F12: variants seen among roughly 807,000 people sequenced by gnomAD.
F12 encodes coagulation factor XII, also known as Hageman factor.
A neutral mutation model predicts 74.8 loss-of-function variants in F12; 70 were observed. The ratio of observed to expected loss-of-function variants is 0.94; its 90% CI spans 0.77 to 1.14. The LOEUF (loss-of-function observed/expected upper bound fraction) is 1.14, where lower values mean the gene tolerates loss of function less well. Among genes scored for constraint, F12 ranks in the 50% most tolerant of loss-of-function variants. F12 has a pLI of 0.00. For synonymous variants in F12, 373 were observed against 356.4 expected, an observed-to-expected ratio of 1.05 and a Z score of -0.52; for missense variants, 811 against 835.7, an observed-to-expected ratio of 0.97 and a Z score of 0.36.
chr5:177,404,710 T>C (rs1490766136), intron 7 of F12, 46 bp from the exon 8 acceptor site: 10 of 1,603,646 alleles, frequency 6.2e-6, no homozygotes, highest in Admixed American at 1.7e-5. Context: ...TGGGCTCTCC[T>C]GCCTCCCTCT....
At position 177,404,500 on chromosome 5, in the gene F12, G is replaced by A. The variant is rs776688962; in HGVS notation, c.799C>T (p.Arg267Trp). 5 of 1,591,098 alleles carry A rather than the reference G, an allele frequency of 3.1e-6. No homozygotes were observed. Among genetic ancestry groups the A allele is most frequent in the South Asian group, 2.2e-5 (2 of 88,920 alleles). The change falls in exon 8 of 14, where the codon CGG becomes TGG. Residue 267 changes from arginine to tryptophan, a missense_variant and splice_region_variant. By Grantham distance (101) the Arg-to-Trp change is moderately radical (BLOSUM62 -3). Coordinates refer to ENST00000253496, the MANE Select transcript of F12 (RefSeq NM_000505.4). Reference protein sequence around the residue: ...NWGLGGHAFCRNPDNDIRPWC... With the variant: ...NWGLGGHAFCWNPDNDIRPWC... ...GTCACCCAGCCCCACGCGGCGCACC[G>A]GCAGAAGGCGTGGCCGCCCAGTCCC...
In F12 at chr5:177,409,534, C is replaced by T. The variant is rs1370622082; in HGVS notation, c.-7G>A. The T allele has an allele frequency of 3.1e-6, 5 of 1,613,848 alleles. No homozygotes were observed. Among genetic ancestry groups the T allele is most frequent in the Non-Finnish European group, 4.2e-6 (5 of 1,179,934 alleles). ...GGAGCAGCAGAGCCCTCATGGCATC[C>T]GTCCGTTGGTCCAGCTGCCTATCCA... is the stretch of plus-strand genomic sequence containing the variant. On this transcript the variant is annotated 5_prime_UTR_variant, in exon 1 of 14. Coordinates refer to ENST00000253496, the MANE Select transcript of F12 (RefSeq NM_000505.4).
At position 177,402,570 on chromosome 5, in the gene F12, C is replaced by T. The variant is rs1284584945; in HGVS notation, c.1660G>A (p.Gly554Ser). Residue 554 changes from glycine (G) to serine (S), a missense_variant, in exon 13 of 14, where the codon GGC (glycine) becomes AGC (serine). Transcript: ENST00000253496. The part of the protein sequence containing the change: ...PGMLCAGFLE[G>S]GTDACQGDSG... ...CTCACCTGGCACGCATCGGTGCCGC[C>T]CTCGAGGAACCCTGCGCAGAGCATG... 2 of 1,612,452 alleles carry T rather than the reference C, an allele frequency of 1.2e-6. No individual in the cohort carries two copies. Among genetic ancestry groups the T allele is most frequent in the Non-Finnish European group, 1.7e-6 (2 of 1,179,700 alleles).
chr5:177,405,673 C>G, intron 4 of F12, 62 bp downstream of exon 4: 1 of 1,517,890 alleles, frequency 6.6e-7, no homozygotes, highest in Admixed American at 1.7e-5. Context: ...TCTGGTGATA[C>G]CAGGAGAGTA....
At chr5:177,404,771 T>C (rs1292303471) in intron 7 of F12, 39 bp downstream of exon 7, 1 of 1,588,316 alleles carries the variant, frequency 6.3e-7, no homozygotes, top group South Asian at 1.1e-5. Context: ...CCGTCCCACC[T>C]GGGGGCTGGC....
rs201546796 is a variant in F12, at chr5:177,406,048, G to C, written c.129C>G (p.Thr43=). ...GGAAGGGGAAGTGGCAGGGCTCCCCGGTGACAGTGAGAACTGCAGGGACAA... is the reference window on the plus strand; with the variant it reads ...GGAAGGGGAAGTGGCAGGGCTCCCCCGTGACAGTGAGAACTGCAGGGACAA... The part of the protein sequence containing the change: ...AEEHTVVLTV[T]GEPCHFPFQY... Residue 43 remains threonine, a synonymous_variant, in exon 3 of 14, where the codon ACC becomes ACG. Coordinates refer to ENST00000253496, the MANE Select transcript of F12 (RefSeq NM_000505.4). The C allele has an allele frequency of 1.2e-6, 2 of 1,613,992 alleles. No homozygotes were observed. Among genetic ancestry groups the C allele is most frequent in the East Asian group, 2.2e-5 (1 of 44,884 alleles).
At chr5:177,402,880 A>C (rs946197451) in intron 12 of F12, 182 bp from the exon 13 acceptor site, 1 of 880,204 alleles carries the variant, frequency 1.1e-6, no homozygotes, top group Non-Finnish European at 1.8e-6. Context: ...TCCAGAGAAA[A>C]GCCAGGATTT....
At position 177,403,466 on chromosome 5, in the gene F12, G is replaced by A; in HGVS notation, c.1387+15C>T. 6.4e-7 allele frequency: 1 copy of A among 1,558,822 alleles called. No homozygotes were observed. The highest frequency in any genetic ancestry group is 8.6e-7 in the Non-Finnish European group (1 of 1,156,854). On this transcript the variant is annotated intron_variant, in intron 11 of 13. Coordinates refer to ENST00000253496, the MANE Select transcript of F12 (RefSeq NM_000505.4). ...CCAAGCTCTCTTCCCGTCCCCGCGG[G>A]GCGCCCCCACGCACCCAGGTCGTGC...
At chr5:177,404,120 A>C in intron 9 of F12, 30 bp from the exon 10 acceptor site, 1 of 1,591,592 alleles carries the variant, frequency 6.3e-7, no homozygotes. Context: ...GAGGACGGAG[A>C]GCCCGCGGCC....
At chr5:177,406,420 C>T (rs1312358250) in intron 2 of F12, among the ~76,000 whole-genome samples, 3 of 151,758 alleles carry the variant, frequency 2.0e-5, no homozygotes, top group Admixed American at 6.6e-5. Context: ...ACCCGGGAGG[C>T]GGAGCTTGCA....
chr5:177,404,043 G>A lies in F12; in HGVS notation c.1066C>T (p.Pro356Ser). The A allele has an allele frequency of 6.2e-7, 1 of 1,602,486 alleles. No homozygotes were observed. The highest frequency in any genetic ancestry group is 8.5e-7 in the Non-Finnish European group (1 of 1,179,626). Residue 356 changes from proline to serine, a missense_variant, in exon 10 of 14, where the codon CCA (proline) becomes TCA (serine). Coordinates refer to ENST00000253496, the MANE Select transcript of F12 (RefSeq NM_000505.4). ...CGGAGCCGCTGCCCGCAGCTCAGTG[G>A]GCCGTTCCTGGTCAGGGAAGGCGGC... ...EQPPSLTRNG[P>S]LSCGQRLRKS...
chr5:177,404,401 G>T lies in F12; in HGVS notation c.813C>A (p.Asn271Lys). The change falls in exon 9 of 14, where the codon AAC (asparagine) becomes AAA (lysine). Residue 271 changes from asparagine (N) to lysine (K), a missense_variant. Physicochemically the swap from Asn to Lys is moderately conservative, Grantham distance 94. Coordinates refer to ENST00000253496, the MANE Select transcript of F12 (RefSeq NM_000505.4). ...GCACGAAGCACCACGGGCGGATGTC[G>T]TTGTCCGGGTTCCTGTAGCCACACG... is the stretch of plus-strand genomic sequence containing the variant. The part of the protein sequence containing the change: ...GGHAFCRNPD[N>K]DIRPWCFVLN... The T allele has an allele frequency of 1.2e-6, 2 of 1,611,836 alleles. No homozygotes were observed. The highest frequency in any genetic ancestry group is 1.7e-6 in the Non-Finnish European group (2 of 1,179,604).
intron 4 of F12, 40 bp from the exon 5 acceptor site, chr5:177,405,473 A>T: frequency 1.3e-6 from 2 of 1,575,150 alleles, no homozygotes; most frequent in Non-Finnish European, 1.7e-6. Context: ...CAGGGAGCTG[A>T]GTCACACAGC....
rs202071046 is a variant in F12 at position 177,404,498 on chromosome 5, C to T, written c.800+1G>A. ...GGGTCACCCAGCCCCACGCGGCGCA[C>T]CGGCAGAAGGCGTGGCCGCCCAGTC... On this transcript the variant is annotated splice_donor_variant, in intron 8 of 13. Coordinates refer to ENST00000253496, the MANE Select transcript of F12 (RefSeq NM_000505.4). LOFTEE classifies it high-confidence loss of function. 3.8e-6 allele frequency: 6 copies of T among 1,591,456 alleles called. No homozygotes were observed. Among genetic ancestry groups the T allele is most frequent in the African/African-American group, 1.3e-5 (1 of 74,426 alleles).
chr5:177,402,595 G>C lies in F12; in HGVS notation c.1635C>G (p.Gly545=), dbSNP rs1763165719. Residue 545 remains glycine (G), a synonymous_variant, in exon 13 of 14, where the codon GGC becomes GGG. Transcript: ENST00000253496. ...CCTCGAGGAACCCTGCGCAGAGCAT[G>C]CCGGGGAGGATGGAGGATCCGTGCA... is the stretch of plus-strand genomic sequence containing the variant. ...PDVHGSSILP[G]MLCAGFLEGG... The C allele has an allele frequency of 6.2e-7, 1 of 1,613,188 alleles. No homozygotes were observed. The highest frequency in any genetic ancestry group is 1.7e-5 in the Admixed American group (1 of 60,028).
chr5:177,409,563 G>A lies in F12; in HGVS notation c.-36C>T. On this transcript the variant is annotated 5_prime_UTR_variant, in exon 1 of 14. Transcript: ENST00000253496. ...CGTTGGTCCAGCTGCCTATCCAGGA[G>A]TCCAGATCAATAGGACTGGCCAAAG... 6.2e-7 allele frequency: 1 copy of A among 1,608,808 alleles called. No homozygotes were observed. The highest frequency in any genetic ancestry group is 1.3e-5 in the African/African-American group (1 of 74,990).
rs1454714769 is a variant in F12, at chr5:177,402,272, A to C, written c.*20T>G. ...CTCACTGCGGAATCACCAAGGAGGG[A>C]AAGATGAGTCCCTGAGCAATCAGGA... On this transcript the variant is annotated 3_prime_UTR_variant, in exon 14 of 14. Transcript: ENST00000253496. The C allele has an allele frequency of 6.2e-7, 1 of 1,613,006 alleles. No homozygotes were observed. Among genetic ancestry groups the C allele is most frequent in the Non-Finnish European group, 8.5e-7 (1 of 1,179,768 alleles).
In F12 at chr5:177,402,712, G is replaced by A. The variant is rs920968152; in HGVS notation, c.1532-14C>T. 5 of 1,610,836 alleles carry A rather than the reference G, an allele frequency of 3.1e-6. No individual in the cohort carries two copies. Among genetic ancestry groups the A allele is most frequent in the Non-Finnish European group, 3.4e-6 (4 of 1,179,882 alleles). On this transcript the variant is annotated splice_polypyrimidine_tract_variant and intron_variant, in intron 12 of 13. Transcript: ENST00000253496. ...ATTCCTCCGCCCCTGCGAACACAGA[G>A]CGCCTTCTTCACACCCCATCTGACA... is the stretch of plus-strand genomic sequence containing the variant.
Position 177,402,432 on chromosome 5 carries a change from C to T in F12, c.1708G>A (p.Glu570Lys). ...AGCCGGCGCTCTGCAGCTTGGTCCT[C>T]ACACACCAGCGGGCCTCCGGAATCA... ...QGDSGGPLVC[E>K]DQAAERRLTL... The change falls in exon 14 of 14, where the codon GAG becomes AAG. Residue 570 changes from glutamate (E) to lysine (K), a missense_variant. Glu to Lys is a moderately conservative substitution (Grantham distance 56). Transcript: ENST00000253496. 6.2e-7 allele frequency: 1 copy of T among 1,610,780 alleles called. No individual in the cohort carries two copies. Among genetic ancestry groups the T allele is most frequent in the Non-Finnish European group, 8.5e-7 (1 of 1,178,784 alleles).
Sources: allele counts gnomAD v4.1 joint callset (sites outside exome capture counted in the v4.1 genomes callset), GRCh38; gene constraint gnomAD v4.1.1; transcripts MANE v1.5; gene names NCBI Gene and HGNC (gene_info 2026-07-23, HGNC 2026-07-21).